The following PTPRS variants were observed in gnomAD, a reference collection of about 807,000 sequenced individuals.
PTPRS encodes protein tyrosine phosphatase receptor type S, also known as receptor-type tyrosine-protein phosphatase S.
PTPRS carries 63 observed loss-of-function variants against 215.3 expected under a neutral mutation model. The ratio of observed to expected loss-of-function variants is 0.29; its 90% confidence interval spans 0.24 to 0.36. PTPRS has a LOEUF of 0.36. PTPRS is among the 10% of genes least tolerant of loss of function. The probability of loss-of-function intolerance (pLI) is 1.00; values close to 1 mark genes in which losing one functional copy is unlikely to be tolerated. For missense variants in PTPRS, 2,258 were observed against 2,825.8 expected, an observed-to-expected ratio of 0.80 and a Z score of 4.56; for synonymous variants, 1,404 against 1,191.4, an observed-to-expected ratio of 1.18 and a Z score of -3.68.
At chr19:5,264,601 G>T (rs116013341) in intron 5 of PTPRS, among the ~76,000 whole-genome samples, 1,756 of 152,228 alleles carry the variant, frequency 0.012, 35 homozygotes, top group African/African-American at 0.04. Context: ...ATAAGCCACT[G>T]CGCCCAGCCC....
rs959828503 is a variant in PTPRS, at chr19:5,221,210, G to A, written c.3245C>T (p.Thr1082Ile). 1 of 1,613,868 alleles carries A rather than the reference G, an allele frequency of 6.2e-7. No individual in the cohort carries two copies. The highest frequency in any genetic ancestry group is 1.7e-5 in the Admixed American group (1 of 59,978). Reference protein sequence around the residue: ...GLTLDVDGRTTKKLITHLKPH... With the variant: ...GLTLDVDGRTIKKLITHLKPH... ...CTTGAGGTGCGTGATGAGCTTCTTGGTGGTACGGCCATCCACATCCAGTGT... is the reference window on the plus strand; with the variant it reads ...CTTGAGGTGCGTGATGAGCTTCTTGATGGTACGGCCATCCACATCCAGTGT... Residue 1082 changes from threonine to isoleucine, a missense_variant, in exon 20 of 38, where the codon ACC (threonine) becomes ATC (isoleucine). By Grantham distance (89) the Thr-to-Ile change is moderately conservative (BLOSUM62 -1). Around this residue, in one of 6 missense-constraint regions of PTPRS, gnomAD observed 927 missense variants for 1,125.9 expected, o/e 0.82. Coordinates refer to ENST00000262963, the MANE Select transcript of PTPRS (RefSeq NM_002850.4).
chr19:5,313,940 AAATAATAATAATAAT>A (rs148699840), intron 1 of PTPRS, among the ~76,000 whole-genome samples: 1,467 of 146,648 alleles, frequency 0.01, 22 homozygotes, highest in African/African-American at 0.034. Flanking sequence ...CTCTCTCCAC[AAATAATAATAATAAT>A]AATAATAATA....
chr19:5,216,617 G>A (rs1262401087), intron 26 of PTPRS, 103 bp downstream of exon 26: 9 of 1,007,366 alleles, frequency 8.9e-6, no homozygotes, highest in Admixed American at 4.3e-5. Flanking sequence ...GGCCGGTGAT[G>A]GGTGGGCGTG....
At chr19:5,306,006 G>A (rs993499949) in intron 1 of PTPRS, among the ~76,000 whole-genome samples, 11 of 136,544 alleles carry the variant, frequency 8.1e-5, no homozygotes, top group Non-Finnish European at 7.6e-5. Context: ...GAGAGAACCA[G>A]CAGCACAATA....
Position 5,222,227 on chromosome 19 carries a change from G to C in PTPRS, c.3104-7C>G. 6.2e-7 allele frequency: 1 copy of C among 1,611,452 alleles called. No individual in the cohort carries two copies. ...TTGAAGTTCTTGGGCGAGACTGCCGGGGAGGCGGCCGAGCAGGGAGAGAGC... is the reference window on the plus strand; with the variant it reads ...TTGAAGTTCTTGGGCGAGACTGCCGCGGAGGCGGCCGAGCAGGGAGAGAGC... On this transcript the variant is annotated splice_polypyrimidine_tract_variant and splice_region_variant and intron_variant, in intron 18 of 37. Transcript: ENST00000262963.
Position 5,222,782 on chromosome 19 carries a change from T to C in PTPRS, c.3010A>G (p.Thr1004Ala), listed in dbSNP as rs781335825. 2 of 1,598,820 alleles carry C rather than the reference T, an allele frequency of 1.3e-6. No individual in the cohort carries two copies. The highest frequency in any genetic ancestry group is 1.7e-6 in the Non-Finnish European group (2 of 1,178,648). ...ALTLQGLKPD[T>A]AYDLQVRAHT... ...GCTCGCACTTGGAGGTCATAGGCCG[T>C]GTCGGGCTTCAGGCCCTGCAGCGTG... Residue 1004 changes from threonine (T) to alanine (A), a missense_variant, in exon 18 of 38, where the codon ACG becomes GCG. Physicochemically the swap from Thr to Ala is moderately conservative, Grantham distance 58. Coordinates refer to ENST00000262963, the MANE Select transcript of PTPRS (RefSeq NM_002850.4).
At chr19:5,333,962 C>T (rs548414332) in intron 1 of PTPRS, among the ~76,000 whole-genome samples, 1 of 141,158 alleles carries the variant, frequency 7.1e-6, no homozygotes, top group South Asian at 2.6e-4. Flanking sequence ...ACCCCCAAAT[C>T]CCCCCCAAAC....
At chr19:5,326,540 G>C (rs540953038) in intron 1 of PTPRS, among the ~76,000 whole-genome samples, 98 of 152,214 alleles carry the variant, frequency 6.4e-4, no homozygotes, top group African/African-American at 2.3e-3. Flanking sequence ...TCAAGTACTG[G>C]CTGGGCACGG....
chr19:5,240,470 GC>G, intron 11 of PTPRS, 138 bp from the exon 12 acceptor site: 3 of 835,424 alleles, frequency 3.6e-6, no homozygotes, highest in Non-Finnish European at 5.1e-6. Context: ...TGGGGACCTC[GC>G]CCCCATCCCA....
At chr19:5,267,996 C>T (rs909054222) in intron 4 of PTPRS, among the ~76,000 whole-genome samples, 6 of 152,044 alleles carry the variant, frequency 3.9e-5, no homozygotes, top group African/African-American at 7.2e-5. Context: ...GGTGAAACCC[C>T]GTCTCTACTA....
intron 4 of PTPRS, among the ~76,000 whole-genome samples, chr19:5,272,547 G>A (rs1375878516): frequency 1.4e-5 from 2 of 138,148 alleles, no homozygotes; most frequent in Non-Finnish European, 3.1e-5. Flanking sequence ...GCAGTGAGCT[G>A]AGATAATGCC....
At chr19:5,226,254 G>GC (rs1294376131) in intron 16 of PTPRS, among the ~76,000 whole-genome samples, 2 of 152,152 alleles carry the variant, frequency 1.3e-5, no homozygotes, top group African/African-American at 2.4e-5. Flanking sequence ...CTCACAAAGG[G>GC]CTCTCCTTGC....
At chr19:5,328,626 A>G (rs2050234023) in intron 1 of PTPRS, among the ~76,000 whole-genome samples, 1 of 152,082 alleles carries the variant, frequency 6.6e-6, no homozygotes, top group Admixed American at 6.5e-5. Flanking sequence ...TCCGCTGGGA[A>G]CCCAGTCTCC....
In PTPRS at chr19:5,287,454, C is replaced by T. The variant is rs1032197639; in HGVS notation, c.-94-1220G>A. Among the ~76,000 whole-genome samples the T allele has an allele frequency of 8.5e-5, 13 of 152,308 alleles. No homozygotes were observed. Among genetic ancestry groups the T allele is most frequent in the Admixed American group, 8.5e-4 (13 of 15,298 alleles). ...CATACCTTGAACCCTGGAATGGCCC[C>T]CTCCCCATCTCCCCAATCTCCACTC... On this transcript the variant is annotated intron_variant, in intron 1 of 37. Transcript: ENST00000262963. The surrounding 1 kb of genome is among the most constrained non-coding windows in gnomAD (Gnocchi z 4.8).
rs2041946455 is a variant in PTPRS at position 5,221,193 on chromosome 19, G to A, written c.3262C>T (p.His1088Tyr). The A allele has an allele frequency of 6.2e-7, 1 of 1,614,066 alleles. No homozygotes were observed. The highest frequency in any genetic ancestry group is 8.5e-7 in the Non-Finnish European group (1 of 1,179,984). Residue 1088 changes from histidine (H) to tyrosine (Y), a missense_variant, in exon 20 of 38, where the codon CAC becomes TAC. By Grantham distance (83) the His-to-Tyr change is moderately conservative (BLOSUM62 2). Around this residue, in one of 6 missense-constraint regions of PTPRS, gnomAD observed 927 missense variants for 1,125.9 expected, o/e 0.82. Coordinates refer to ENST00000262963, the MANE Select transcript of PTPRS (RefSeq NM_002850.4). The stretch of plus-strand genomic sequence containing the variant: ...TTGTAGAAGGTGTGGGGCTTGAGGT[G>A]CGTGATGAGCTTCTTGGTGGTACGG... ...DGRTTKKLIT[H>Y]LKPHTFYNFV... is the part of the protein sequence containing the mutation.
rs952833168 is a variant in PTPRS, at chr19:5,315,351, G to GTTTTT, written c.-95+25308_-95+25312dup. ...CATGGAGAATTTTTATTTGAAAAGG[G>GTTTTT]TTTTTTTTTTTTTTTTTTTTTTTTT... On this transcript the variant is annotated intron_variant, in intron 1 of 37. Coordinates refer to ENST00000262963, the MANE Select transcript of PTPRS (RefSeq NM_002850.4). Among the ~76,000 whole-genome samples, 75 of 79,778 alleles carry GTTTTT rather than the reference G, an allele frequency of 9.4e-4. 1 individual carries two copies. The highest frequency in any genetic ancestry group is 1.3e-3 in the African/African-American group (23 of 17,310). The allele number at this position is 79,778 out of a possible 152,430, so 52.3% of individuals were successfully genotyped here. A position where few individuals can be genotyped will look rare whatever the true frequency, so the allele number is the denominator to read the frequency against.
chr19:5,220,988 G>A lies in PTPRS; in HGVS notation c.3455+12C>T, dbSNP rs778485299. On this transcript the variant is annotated intron_variant, in intron 20 of 37. Transcript: ENST00000262963. ...GGGTGACAAGGAACCCGGAGCATGG[G>A]GGTGAGCATACTGGACAGGCACGGG... The A allele has an allele frequency of 1.3e-6, 2 of 1,596,992 alleles. No individual in the cohort carries two copies. The highest frequency in any genetic ancestry group is 8.6e-7 in the Non-Finnish European group (1 of 1,169,222).
chr19:5,206,726 C>A lies in PTPRS; in HGVS notation c.*48G>T. On this transcript the variant is annotated 3_prime_UTR_variant, in exon 38 of 38. Transcript: ENST00000262963. The stretch of plus-strand genomic sequence containing the variant: ...CCTCAGGAGGTCCGCCCGGGAGGGG[C>A]AGAGGCATCCGGGGCCAGTGGTGTC... The A allele has an allele frequency of 6.4e-7, 1 of 1,567,692 alleles. No individual in the cohort carries two copies. Among genetic ancestry groups the A allele is most frequent in the Non-Finnish European group, 8.8e-7 (1 of 1,138,532 alleles).
rs983584273 is a variant in PTPRS at position 5,316,718 on chromosome 19, G to A, written c.-95+23946C>T. ...TAATTTTCGTATTTTTAATGGAGGC[G>A]GGGTTTCACCAGGTTGGCCAGGCTG... is the stretch of plus-strand genomic sequence containing the variant. On this transcript the variant is annotated intron_variant, in intron 1 of 37. Coordinates refer to ENST00000262963, the MANE Select transcript of PTPRS (RefSeq NM_002850.4). Among the ~76,000 whole-genome samples, 8 of 151,924 alleles carry A rather than the reference G, an allele frequency of 5.3e-5. No homozygotes were observed. In the South Asian group the frequency reaches 1.0e-3, roughly 20 times the overall value.
Sources: allele counts gnomAD v4.1 joint callset (sites outside exome capture counted in the v4.1 genomes callset), GRCh38; gene constraint gnomAD v4.1.1; regional missense constraint gnomAD v4.1.1; non-coding constraint Gnocchi (gnomAD v3.1); transcripts MANE v1.5; gene names NCBI Gene and HGNC (gene_info 2026-07-23, HGNC 2026-07-21).